The following NFATC3 variants were observed in gnomAD, a reference collection of about 807,000 sequenced individuals.
The protein encoded by NFATC3 is nuclear factor of activated T-cells, cytoplasmic 3.
Under a neutral mutation model 98.6 loss-of-function variants are expected in NFATC3, and 46 were observed. That is an observed-to-expected ratio of 0.47 (90% CI 0.37 to 0.60). The LOEUF is 0.60. Among genes scored for constraint, NFATC3 ranks in the 20% least tolerant of loss-of-function variants. The probability of loss-of-function intolerance (pLI) is 0.00; values close to 1 mark genes in which losing one functional copy is unlikely to be tolerated. For synonymous variants in NFATC3, 512 were observed against 472.2 expected (o/e 1.08, Z -1.09); for missense variants, 1,256 against 1,295.5 (o/e 0.97, Z 0.47).
At chr16:68,191,860 T>C in intron 9 of NFATC3, 85 bp downstream of exon 9, 1 of 1,422,868 alleles carries the variant, frequency 7.0e-7, no homozygotes. Context: ...TTTCTATGGA[T>C]TGCTTATTGG....
rs190114545 is a variant in NFATC3 at position 68,154,951 on chromosome 16, A to G, written c.1402-2918A>G. Among the ~76,000 whole-genome samples the G allele has an allele frequency of 1.4e-3, 209 of 152,370 alleles. 3 individuals are homozygous for G. The highest frequency in any genetic ancestry group is 4.7e-3 in the African/African-American group (197 of 41,596). On this transcript the variant is annotated intron_variant, in intron 3 of 9. Transcript: ENST00000346183. Reference sequence around the variant, plus strand: ...AACAAGTTTATTCTGACTCTTGGATAGAGAATGGACTATAGGGCAACAAGA... The same window carrying G: ...AACAAGTTTATTCTGACTCTTGGATGGAGAATGGACTATAGGGCAACAAGA...
rs566398489 is a variant in NFATC3 at position 68,096,164 on chromosome 16, C to T, written c.103+10380C>T. On this transcript the variant is annotated intron_variant, in intron 1 of 9. Coordinates refer to ENST00000346183, the MANE Select transcript of NFATC3 (RefSeq NM_173165.3). ...TGTTTTTGATAGAGACGGAGTCTTT[C>T]TGTGTTGCCCAGGCCAGTCTCAAAC... 2.7e-3 allele frequency among the ~76,000 whole-genome samples: 411 copies of T among 152,174 alleles called. 3 individuals carry two copies. Among genetic ancestry groups the T allele is most frequent in the Non-Finnish European group, 4.4e-3 (300 of 68,000 alleles).
At chr16:68,222,179 G>GCCTGTAGGC (rs1167979114) in intron 9 of NFATC3, among the ~76,000 whole-genome samples, 1 of 150,562 alleles carries the variant, frequency 6.6e-6, no homozygotes, top group East Asian at 1.9e-4. Context: ...AGTAGCACAT[G>GCCTGTAGGC]CCTGTAGGCC....
At chr16:68,131,225 G>A (rs2037095932) in intron 3 of NFATC3, among the ~76,000 whole-genome samples, 1 of 152,148 alleles carries the variant, frequency 6.6e-6, no homozygotes, top group Non-Finnish European at 1.5e-5. Flanking sequence ...TGAATCTGTA[G>A]AATGTGTTTG....
At chr16:68,197,170 A>G (rs1164611300) in intron 9 of NFATC3, among the ~76,000 whole-genome samples, 1 of 152,124 alleles carries the variant, frequency 6.6e-6, no homozygotes, top group Admixed American at 6.5e-5. Flanking sequence ...TCTAGAACTC[A>G]TGGCCTCAAG....
In NFATC3 at chr16:68,221,377, T is replaced by C. The variant is rs2041858518; in HGVS notation, c.3107-4973T>C. The stretch of plus-strand genomic sequence containing the variant: ...CATGATTAACACTCGGCTCAAGTTA[T>C]TGCTAAAGGTCTGTGAAAGCACTTT... On this transcript the variant is annotated intron_variant, in intron 9 of 9. Transcript: ENST00000346183. The C allele has an allele frequency of 3.2e-6, 5 of 1,545,184 alleles. No individual in the cohort carries two copies. In the African/African-American group the frequency reaches 4.1e-5, roughly 13 times the overall value.
At chr16:68,177,172 C>A (rs2151618651) in intron 6 of NFATC3, among the ~76,000 whole-genome samples, 1 of 152,058 alleles carries the variant, frequency 6.6e-6, no homozygotes, top group East Asian at 1.9e-4. Flanking sequence ...CTCAGTCTCC[C>A]AAATAGCTGG....
chr16:68,207,729 T>C (rs1359645087), intron 9 of NFATC3, among the ~76,000 whole-genome samples: 3 of 152,092 alleles, frequency 2.0e-5, no homozygotes, highest in African/African-American at 7.2e-5. Flanking sequence ...CCCAAAGTGC[T>C]GGGATTGCAG....
At position 68,103,025 on chromosome 16, in the gene NFATC3, A is replaced by G. The variant is rs547226900; in HGVS notation, c.103+17241A>G. 3.3e-5 allele frequency among the ~76,000 whole-genome samples: 5 copies of G among 152,152 alleles called. 1 individual carries two copies. The East Asian group carries it at 9.7e-4, about 29-fold the overall frequency. ...ATCTTCTTTGGAGAAATGCCTATTC[A>G]TGTGCTTTGTCCATTTTTTAATTCA... On this transcript the variant is annotated intron_variant, in intron 1 of 9. Coordinates refer to ENST00000346183, the MANE Select transcript of NFATC3 (RefSeq NM_173165.3).
intron 4 of NFATC3, among the ~76,000 whole-genome samples, chr16:68,160,812 G>A (rs1367570059): frequency 6.6e-6 from 1 of 152,062 alleles, no homozygotes; most frequent in Non-Finnish European, 1.5e-5. Flanking sequence ...AGCCACCCAA[G>A]TAGCTGAGAT....
chr16:68,177,954 A>G (rs1391521305), intron 6 of NFATC3, among the ~76,000 whole-genome samples: 3 of 151,400 alleles, frequency 2.0e-5, no homozygotes, highest in Non-Finnish European at 4.4e-5. Flanking sequence ...CCAGCTACTT[A>G]CTCTCCTTCT....
At chr16:68,140,866 G>A (rs942629886) in intron 3 of NFATC3, among the ~76,000 whole-genome samples, 3 of 152,128 alleles carry the variant, frequency 2.0e-5, no homozygotes, top group African/African-American at 7.2e-5. Flanking sequence ...GTGTAGTGGT[G>A]AAGTCTGAGA....
At chr16:68,133,988 C>T (rs2037257275) in intron 3 of NFATC3, among the ~76,000 whole-genome samples, 1 of 151,948 alleles carries the variant, frequency 6.6e-6, no homozygotes, top group African/African-American at 2.4e-5. Flanking sequence ...CCAATTTATA[C>T]TCCCAATCAG....
At chr16:68,085,899 T>TGC (rs2034341635) in intron 1 of NFATC3, 115 bp downstream of exon 1, 6 of 720,670 alleles carry the variant, frequency 8.3e-6, no homozygotes, top group South Asian at 7.3e-5. Context: ...TGTGTGTGTG[T>TGC]GCGCGCGCGT....
In NFATC3 at chr16:68,210,256, C is replaced by T. The variant is rs151334830; in HGVS notation, c.3107-16094C>T. Among the ~76,000 whole-genome samples the T allele has an allele frequency of 8.0e-3, 1,202 of 150,860 alleles. 16 individuals are homozygous for T. Among genetic ancestry groups the T allele is most frequent in the African/African-American group, 0.028 (1,128 of 40,928 alleles). ...GAGCTTGCAGTGAGCCAAGATCATG[C>T]CACTGCGCTCCAGCCTGGGCGACAG... On this transcript the variant is annotated intron_variant, in intron 9 of 9. Transcript: ENST00000346183.
chr16:68,151,489 G>A (rs1321163702), intron 3 of NFATC3, among the ~76,000 whole-genome samples: 2 of 151,886 alleles, frequency 1.3e-5, no homozygotes, highest in East Asian at 3.9e-4. Context: ...ATCTTTTGGG[G>A]GTATTAATAT....
chr16:68,139,079 TC>T (rs2037608702), intron 3 of NFATC3, among the ~76,000 whole-genome samples: 1 of 152,194 alleles, frequency 6.6e-6, no homozygotes, highest in Non-Finnish European at 1.5e-5. Flanking sequence ...GAGACAAAAC[TC>T]CAGTCCTCAA....
Position 68,123,053 on chromosome 16 carries a change from T to A in NFATC3, c.1170T>A (p.Asp390Glu), listed in dbSNP as rs1461788402. 8 of 1,611,216 alleles carry A rather than the reference T, an allele frequency of 5.0e-6. No homozygotes were observed. Among genetic ancestry groups the A allele is most frequent in the Non-Finnish European group, 6.8e-6 (8 of 1,180,024 alleles). Residue 390 changes from aspartate to glutamate, a missense_variant, in exon 2 of 10, where the codon GAT (aspartate) becomes GAA (glutamate). Asp to Glu is a conservative substitution (Grantham distance 45). Coordinates refer to ENST00000346183, the MANE Select transcript of NFATC3 (RefSeq NM_173165.3). ...CTTTAAAGAAAGATTCATGTGGTGA[T>A]CAGTTTCTTTCAGTTCCTTCACCCT... ...QYPLKKDSCG[D>E]QFLSVPSPFT...
chr16:68,214,186 A>G (rs1324750140), intron 9 of NFATC3: 1 of 571,382 alleles, frequency 1.8e-6, no homozygotes, highest in African/African-American at 1.9e-5. Flanking sequence ...AAATGTGGAG[A>G]GCCATTTTAT....
Sources: gnomAD v4.1 joint callset for allele counts (sites outside exome capture counted in the v4.1 genomes callset) on GRCh38, gnomAD v4.1.1 for gene constraint, MANE v1.5 for transcripts, NCBI Gene and HGNC (gene_info 2026-07-23, HGNC 2026-07-21) for gene names.